The following PRKAR2B variants were observed in gnomAD, a reference collection of about 807,000 sequenced individuals.
PRKAR2B encodes the protein protein kinase cAMP-dependent type II regulatory subunit beta.
In PRKAR2B, 14 loss-of-function variants were observed where a neutral mutation model predicts 49.9. The observed-to-expected ratio is 0.28, with a 90% confidence interval of 0.19 to 0.44. The LOEUF is 0.44. PRKAR2B is among the 20% of genes least tolerant of loss of function. The pLI is 1.00. For synonymous variants in PRKAR2B, 196 were observed against 197.7 expected (o/e 0.99, Z 0.07); for missense variants, 393 against 537.9 (o/e 0.73, Z 2.67).
At chr7:107,154,269 C>T (rs138649625) in intron 8 of PRKAR2B, among the ~76,000 whole-genome samples, 4 of 152,262 alleles carry the variant, frequency 2.6e-5, no homozygotes, top group South Asian at 2.1e-4. Context: ...TGAGAGGTCC[C>T]GTGTACTCTT....
intron 8 of PRKAR2B, among the ~76,000 whole-genome samples, chr7:107,153,833 A>T (rs1233335199): frequency 6.6e-6 from 1 of 152,238 alleles, no homozygotes; most frequent in Non-Finnish European, 1.5e-5. Flanking sequence ...AAGCATGCAG[A>T]TGATAGTACC....
chr7:107,083,611 CTTG>C (rs750753020), intron 2 of PRKAR2B, among the ~76,000 whole-genome samples: 32 of 151,772 alleles, frequency 2.1e-4, no homozygotes, highest in Admixed American at 3.3e-4. Context: ...CTAGTTTTTT[CTTG>C]TTGTTGTTGT....
chr7:107,161,577 A>G lies in PRKAR2B; in HGVS notation c.*1995A>G, dbSNP rs1298067989. On this transcript the variant is annotated 3_prime_UTR_variant, in exon 11 of 11. Coordinates refer to ENST00000265717, the MANE Select transcript of PRKAR2B (RefSeq NM_002736.3). ...TTCTGACGTGCATAATGCATAATTC[A>G]TTGAAAAGCATGATAGCAATGTGGC... 6.6e-6 allele frequency: 1 copy of G among 152,584 alleles called. No individual in the cohort carries two copies. Among genetic ancestry groups the G allele is most frequent in the Non-Finnish European group, 1.5e-5 (1 of 68,020 alleles). The allele number at this position is 152,584 out of a possible 1,614,324, so 9.5% of individuals were successfully genotyped here.
At chr7:107,109,797 A>G (rs575211109) in intron 2 of PRKAR2B, among the ~76,000 whole-genome samples, 51 of 152,296 alleles carry the variant, frequency 3.3e-4, no homozygotes, top group African/African-American at 1.2e-3. Context: ...TTGGTGAACA[A>G]TTTCCAATGT....
intron 1 of PRKAR2B, among the ~76,000 whole-genome samples, chr7:107,045,929 T>A (rs928069322): frequency 1.3e-5 from 2 of 152,212 alleles, no homozygotes; most frequent in African/African-American, 4.8e-5. Context: ...ATTGAATGAT[T>A]TGGTGCTTTA....
At chr7:107,154,926 A>T (rs1418264348) in intron 8 of PRKAR2B, among the ~76,000 whole-genome samples, 1 of 152,226 alleles carries the variant, frequency 6.6e-6, no homozygotes, top group African/African-American at 2.4e-5. Context: ...TTTGGTCCTC[A>T]GTTGACTGTA....
chr7:107,155,530 C>G (rs1488277533), intron 8 of PRKAR2B, among the ~76,000 whole-genome samples: 1 of 152,238 alleles, frequency 6.6e-6, no homozygotes, highest in Admixed American at 6.5e-5. Flanking sequence ...TCACCAGCAT[C>G]TATCGTTGCT....
intron 2 of PRKAR2B, among the ~76,000 whole-genome samples, chr7:107,084,848 A>G (rs182444461): frequency 9.2e-5 from 14 of 151,864 alleles, no homozygotes; most frequent in African/African-American, 3.4e-4. Flanking sequence ...GATGGTCTCG[A>G]TCTCCTGACC....
rs189475585 is a variant in PRKAR2B at position 107,095,840 on chromosome 7, C to A, written c.343+25524C>A. Among the ~76,000 whole-genome samples, 511 of 152,268 alleles carry A rather than the reference C, an allele frequency of 3.4e-3. 3 individuals carry two copies. The highest frequency in any genetic ancestry group is 0.02 in the Middle Eastern group (6 of 294). On this transcript the variant is annotated intron_variant, in intron 2 of 10. Coordinates refer to ENST00000265717, the MANE Select transcript of PRKAR2B (RefSeq NM_002736.3). ...GCGTATGTTGAACCAGCCTTGCATC[C>A]CAGGGATGAAGCCCACTTGATCATG...
intron 2 of PRKAR2B, among the ~76,000 whole-genome samples, chr7:107,101,417 C>CACTT (rs1399276659): frequency 6.6e-6 from 1 of 152,156 alleles, no homozygotes; most frequent in African/African-American, 2.4e-5. Context: ...CATACCTCCT[C>CACTT]TAAGTGCGCT....
At chr7:107,093,525 A>G (rs1202431622) in intron 2 of PRKAR2B, among the ~76,000 whole-genome samples, 2 of 121,544 alleles carry the variant, frequency 1.6e-5, no homozygotes, top group African/African-American at 6.2e-5. Context: ...TTTTTTTTTT[A>G]TTATACTTTA....
At chr7:107,145,485 A>G (rs773450489) in intron 5 of PRKAR2B, among the ~76,000 whole-genome samples, 11 of 152,220 alleles carry the variant, frequency 7.2e-5, no homozygotes, top group Admixed American at 1.3e-4. Flanking sequence ...CTTAAATTAG[A>G]TAGCGAATAT....
chr7:107,130,155 A>C lies in PRKAR2B; in HGVS notation c.480+1860A>C, dbSNP rs932326160. ...AATCCTAAATAATAGTTTTGGATAG[A>C]TTTGTAATAAAATGATGGTGTTTAA... On this transcript the variant is annotated intron_variant, in intron 4 of 10. Coordinates refer to ENST00000265717, the MANE Select transcript of PRKAR2B (RefSeq NM_002736.3). Among the ~76,000 whole-genome samples the C allele has an allele frequency of 7.2e-5, 11 of 152,172 alleles. No individual in the cohort carries two copies. In the East Asian group the frequency reaches 1.9e-3, roughly 27 times the overall value.
chr7:107,096,259 C>T (rs929380069), intron 2 of PRKAR2B, among the ~76,000 whole-genome samples: 1 of 152,226 alleles, frequency 6.6e-6, no homozygotes, highest in South Asian at 2.1e-4. Flanking sequence ...GGAATTTATC[C>T]ATTTCTTCTA....
chr7:107,115,690 G>A (rs927804774), intron 2 of PRKAR2B, among the ~76,000 whole-genome samples: 1 of 152,144 alleles, frequency 6.6e-6, no homozygotes, highest in African/African-American at 2.4e-5. Context: ...AAGAGAGAGA[G>A]AAACACCTTG....
Position 107,146,395 on chromosome 7 carries a change from C to T in PRKAR2B, c.675C>T (p.Ala225=), listed in dbSNP as rs1795893859. The T allele has an allele frequency of 6.2e-7, 1 of 1,614,032 alleles. No homozygotes were observed. The highest frequency in any genetic ancestry group is 1.1e-5 in the South Asian group (1 of 91,078). ...ATCGTGGGAGTTTCGGCGAACTGGC[C>T]TTAATGTACAATACACCCAGAGCAG... ...YDNRGSFGEL[A]LMYNTPRAAT... is the part of the protein sequence containing the mutation. Residue 225 remains alanine (A), a synonymous_variant, in exon 6 of 11, where the codon GCC becomes GCT. Coordinates refer to ENST00000265717, the MANE Select transcript of PRKAR2B (RefSeq NM_002736.3).
At chr7:107,118,454 T>TAA (rs1795320661) in intron 2 of PRKAR2B, among the ~76,000 whole-genome samples, 3 of 116,982 alleles carry the variant, frequency 2.6e-5, no homozygotes, top group African/African-American at 8.3e-5. Flanking sequence ...AGTCATTTAT[T>TAA]TAAAAAAAAA....
rs1005819075 is a variant in PRKAR2B, at chr7:107,072,106, A to AAT, written c.343+1804_343+1805dup. 1.8e-3 allele frequency among the ~76,000 whole-genome samples: 263 copies of AAT among 148,340 alleles called. 2 individuals carry two copies. The highest frequency in any genetic ancestry group is 0.015 in the South Asian group (73 of 4,770). On this transcript the variant is annotated intron_variant, in intron 2 of 10. Transcript: ENST00000265717. Reference sequence around the variant, plus strand: ...TAATAAAAAATAAAAATAAAAAATAAATATATATATATATAATTGTAGAGA... The same window carrying AAT: ...TAATAAAAAATAAAAATAAAAAATAAATATATATATATATATAATTGTAGAGA...
intron 6 of PRKAR2B, among the ~76,000 whole-genome samples, chr7:107,148,720 G>A (rs1795936694): frequency 6.6e-6 from 1 of 152,138 alleles, no homozygotes. Flanking sequence ...AAATACAGGT[G>A]TGTAAAGATA....
Sources: gnomAD v4.1 joint callset for allele counts (sites outside exome capture counted in the v4.1 genomes callset) on GRCh38, gnomAD v4.1.1 for gene constraint, MANE v1.5 for transcripts, NCBI Gene and HGNC (gene_info 2026-07-23, HGNC 2026-07-21) for gene names.